Variants in PSD2 observed in about 807,000 individuals in gnomAD.
PSD2 encodes the protein PH and SEC7 domain-containing protein 2.
PSD2 carries 38 observed loss-of-function variants against 69.8 expected under a neutral mutation model. The observed-to-expected ratio is 0.54, with a 90% CI of 0.42 to 0.71. The LOEUF (loss-of-function observed/expected upper bound fraction) is 0.71, where lower values mean the gene tolerates loss of function less well. Among genes scored for constraint, PSD2 ranks in the 30% least tolerant of loss-of-function variants. The pLI, the probability that PSD2 is intolerant of heterozygous loss-of-function variation, is 0.00. For synonymous variants in PSD2, 412 were observed against 423.0 expected (o/e 0.97, Z 0.32); for missense variants, 943 against 1,014.5 (o/e 0.93, Z 0.96).
chr5:139,802,308 A>C (rs1209766261), intron 1 of PSD2, among the ~76,000 whole-genome samples: 1 of 151,840 alleles, frequency 6.6e-6, no homozygotes, highest in African/African-American at 2.4e-5. Flanking sequence ...AGAAGGGAGG[A>C]GGAAGCTTCT....
intron 7 of PSD2, 112 bp downstream of exon 7, chr5:139,822,896 G>A (rs1760308431): frequency 2.2e-6 from 2 of 928,000 alleles, no homozygotes; most frequent in African/African-American, 1.7e-5. Context: ...TCTTTTTGAA[G>A]CGGTGGGGGT....
rs1561612176 is a variant in PSD2 at position 139,843,538 on chromosome 5, G to A, written c.*1064G>A. The A allele has an allele frequency of 6.6e-6, 1 of 152,232 alleles. No homozygotes were observed. The highest frequency in any genetic ancestry group is 6.5e-5 in the Admixed American group (1 of 15,280). 9.4% of individuals were successfully genotyped at this position (152,232 alleles called of 1,614,324 possible). On this transcript the variant is annotated 3_prime_UTR_variant, in exon 15 of 15. Transcript: ENST00000274710. ...CAGATCTACTGCTATAGGAATAAAA[G>A]ACACTCTGTCTCGCAAATGGCTGCT...
At chr5:139,792,632 C>A (rs564789495), upstream of PSD2, among the ~76,000 whole-genome samples, 30 of 152,238 alleles carry the variant, frequency 2.0e-4, no homozygotes, top group African/African-American at 6.7e-4. Flanking sequence ...ATTCTTCTTT[C>A]CCTTGAGGAA....
the PSD2 span, among the ~76,000 whole-genome samples, chr5:139,773,224 C>T: frequency 6.6e-6 from 1 of 152,166 alleles, no homozygotes; most frequent in African/African-American, 2.4e-5. Context: ...GCACCCTCCA[C>T]CCCTGCAACC....
At chr5:139,807,576 T>C (rs1371336769) in intron 1 of PSD2, among the ~76,000 whole-genome samples, 3 of 152,194 alleles carry the variant, frequency 2.0e-5, no homozygotes, top group Non-Finnish European at 4.4e-5. Flanking sequence ...TGTTTAAGTC[T>C]GTGGGCTTTT....
chr5:139,804,987 A>G (rs1291630989), intron 1 of PSD2, among the ~76,000 whole-genome samples: 7 of 146,498 alleles, frequency 4.8e-5, no homozygotes, highest in Admixed American at 2.0e-4. Context: ...GCGTGTGTGC[A>G]TGTGTGTGTC....
chr5:139,763,004 G>C, the PSD2 span, among the ~76,000 whole-genome samples: 1 of 152,102 alleles, frequency 6.6e-6, no homozygotes, highest in African/African-American at 2.4e-5. Flanking sequence ...CTCAGAGAGA[G>C]GACAGGGAGC....
At chr5:139,811,424 G>A (rs376625349) in intron 2 of PSD2, among the ~76,000 whole-genome samples, 2 of 152,152 alleles carry the variant, frequency 1.3e-5, no homozygotes, top group East Asian at 1.9e-4. Context: ...CTGGGGGAAC[G>A]TAGGGTGGGG....
intron 7 of PSD2, among the ~76,000 whole-genome samples, chr5:139,829,979 T>C (rs1376623149): frequency 2.7e-5 from 4 of 150,660 alleles, no homozygotes; most frequent in Admixed American, 1.3e-4. Flanking sequence ...CTAATTTCTT[T>C]ACATCCTCAC....
rs1469627798 is a variant in PSD2, at chr5:139,821,742, G to A, written c.1098-151G>A. The A allele has an allele frequency of 1.0e-5, 5 of 489,570 alleles. No individual in the cohort carries two copies. The East Asian group carries it at 1.6e-4, about 16-fold the overall frequency. The allele number at this position is 489,570 out of a possible 1,614,324, so 30.3% of individuals were successfully genotyped here. On this transcript the variant is annotated intron_variant, in intron 5 of 14. Transcript: ENST00000274710. ...CAGAGTGGCCATCCTGGGGGCCAGG[G>A]CCTCCTGGGCGTGGAGAGAGCATCC...
the PSD2 span, among the ~76,000 whole-genome samples, chr5:139,747,843 G>T: frequency 6.6e-6 from 1 of 152,268 alleles, no homozygotes; most frequent in Non-Finnish European, 1.5e-5. The surrounding 1 kb of genome is among the most constrained non-coding windows in gnomAD (Gnocchi z 6.7). Context: ...GCAAGGAGGG[G>T]GTGTAGGGGG....
the PSD2 span, among the ~76,000 whole-genome samples, chr5:139,771,865 C>T: frequency 1.3e-5 from 2 of 152,136 alleles, no homozygotes; most frequent in African/African-American, 4.8e-5. Context: ...CTTCACTGAC[C>T]ACTGGGCTGC....
chr5:139,835,277 T>C (rs930477645), intron 8 of PSD2, among the ~76,000 whole-genome samples: 8 of 151,734 alleles, frequency 5.3e-5, no homozygotes, highest in African/African-American at 1.2e-4. Flanking sequence ...CCACCCATCT[T>C]CTATTCATTC....
intron 1 of PSD2, among the ~76,000 whole-genome samples, chr5:139,807,235 G>A (rs1293617257): frequency 2.6e-5 from 4 of 152,316 alleles, no homozygotes; most frequent in East Asian, 3.9e-4. Context: ...AAATCGGGTT[G>A]AAACCCTGTG....
At chr5:139,805,082 A>G (rs1308977011) in intron 1 of PSD2, among the ~76,000 whole-genome samples, 1 of 152,070 alleles carries the variant, frequency 6.6e-6, no homozygotes, top group Non-Finnish European at 1.5e-5. Flanking sequence ...GTGTCTGGGC[A>G]TGTGTACATG....
chr5:139,753,241 G>A, the PSD2 span, among the ~76,000 whole-genome samples: 1 of 152,216 alleles, frequency 6.6e-6, no homozygotes, highest in African/African-American at 2.4e-5. Context: ...CACGAGAAGG[G>A]ACTTGCCCAG....
the PSD2 span, among the ~76,000 whole-genome samples, chr5:139,747,887 C>A: frequency 6.6e-6 from 1 of 152,262 alleles, no homozygotes; most frequent in East Asian, 1.9e-4. The surrounding 1 kb of genome is among the most constrained non-coding windows in gnomAD (Gnocchi z 6.7). Context: ...GGCTGGCAGG[C>A]AGCCCTCTCC....
At chr5:139,842,246 G>A (rs1760887277) in intron 14 of PSD2, 25 bp from the exon 15 acceptor site, 1 of 1,606,096 alleles carries the variant, frequency 6.2e-7, no homozygotes, top group African/African-American at 1.3e-5. Context: ...GTTGTCTTTT[G>A]ACCTTGTGTT....
intron 1 of PSD2, among the ~76,000 whole-genome samples, chr5:139,800,504 C>T (rs534119084): frequency 9.2e-5 from 14 of 152,302 alleles, no homozygotes; most frequent in Middle Eastern, 6.8e-3. Context: ...TCAAGTGATC[C>T]GCCCTCCTCG....
Sources: gnomAD v4.1 joint callset for allele counts (sites outside exome capture counted in the v4.1 genomes callset) on GRCh38, gnomAD v4.1.1 for gene constraint, Gnocchi (gnomAD v3.1) non-coding constraint, MANE v1.5 for transcripts, NCBI Gene and HGNC (gene_info 2026-07-23, HGNC 2026-07-21) for gene names.